The following NECAP2 variants were observed in gnomAD, a reference collection of about 807,000 sequenced individuals.
The protein encoded by NECAP2 is NECAP endocytosis associated 2, also known as adaptin ear-binding coat-associated protein 2.
NECAP2 carries 38 observed loss-of-function variants against 37.8 expected under a neutral mutation model. The ratio of observed to expected loss-of-function variants is 1.01; its 90% confidence interval spans 0.78 to 1.32. NECAP2 has a LOEUF of 1.32. Ranked by LOEUF, NECAP2 falls within the 40% of genes most tolerant of loss-of-function variation. The pLI is 0.00. For missense variants in NECAP2, 316 were observed against 334.5 expected (o/e 0.94, Z 0.43); for synonymous variants, 121 against 127.7 (o/e 0.95, Z 0.35).
At chr1:16,456,030 T>C in intron 7 of NECAP2, 137 bp downstream of exon 7, 2 of 652,464 alleles carry the variant, frequency 3.1e-6, no homozygotes, top group Non-Finnish European at 5.1e-6. Context: ...TTTTCTTTTT[T>C]TTTTTTTTTT....
intron 6 of NECAP2, chr1:16,455,527 TAGATG>T (rs899810051): frequency 2.8e-5 from 11 of 399,510 alleles, no homozygotes; most frequent in African/African-American, 1.8e-4. Context: ...GTATGCATGT[TAGATG>T]ACGTGAGACT....
At chr1:16,456,866 A>G (rs1480231102) in intron 7 of NECAP2, among the ~76,000 whole-genome samples, 1 of 151,846 alleles carries the variant, frequency 6.6e-6, no homozygotes, top group Non-Finnish European at 1.5e-5. Context: ...CATGCCAGCT[A>G]TTTTTTGTAT....
chr1:16,452,981 G>C (rs2086868353), intron 6 of NECAP2, among the ~76,000 whole-genome samples: 2 of 152,300 alleles, frequency 1.3e-5, no homozygotes, highest in East Asian at 1.9e-4. Context: ...AGTGGCAGGA[G>C]GGGCAGTCAG....
chr1:16,454,793 T>C (rs2086894477), intron 6 of NECAP2, among the ~76,000 whole-genome samples: 1 of 152,214 alleles, frequency 6.6e-6, no homozygotes, highest in Non-Finnish European at 1.5e-5. Context: ...CTTAGAACAA[T>C]TTTTGGAACA....
intron 7 of NECAP2, among the ~76,000 whole-genome samples, chr1:16,457,100 A>G (rs932290898): frequency 6.6e-6 from 1 of 152,236 alleles, no homozygotes; most frequent in African/African-American, 2.4e-5. Context: ...GCACAAAAGC[A>G]GCCACAGACA....
At chr1:16,450,306 T>A in intron 5 of NECAP2, 1 of 366,774 alleles carries the variant, frequency 2.7e-6, no homozygotes, top group South Asian at 2.0e-5. Flanking sequence ...TTTTTAGGCA[T>A]TTCTCATGTG....
intron 2 of NECAP2, among the ~76,000 whole-genome samples, chr1:16,446,316 C>A (rs2086761328): frequency 6.6e-6 from 1 of 152,214 alleles, no homozygotes; most frequent in Non-Finnish European, 1.5e-5. Flanking sequence ...CTTATAATCC[C>A]AGGGCTTTGG....
intron 6 of NECAP2, among the ~76,000 whole-genome samples, chr1:16,452,239 G>T (rs942974740): frequency 6.6e-6 from 1 of 152,218 alleles, no homozygotes; most frequent in African/African-American, 2.4e-5. Context: ...GGCCAGGGCT[G>T]CGACTTGTTA....
chr1:16,444,183 TTTC>T (rs750667833), intron 2 of NECAP2, among the ~76,000 whole-genome samples: 59 of 152,286 alleles, frequency 3.9e-4, no homozygotes, highest in Non-Finnish European at 7.9e-4. Flanking sequence ...TACTCAGCTC[TTTC>T]TGTAGTGAGA....
At chr1:16,445,315 G>A (rs1405647045) in intron 2 of NECAP2, among the ~76,000 whole-genome samples, 1 of 152,314 alleles carries the variant, frequency 6.6e-6, no homozygotes, top group African/African-American at 2.4e-5. Context: ...TTGACACCTG[G>A]GGCCAGATGA....
chr1:16,441,163 C>T, intron 1 of NECAP2: 1 of 396,844 alleles, frequency 2.5e-6, no homozygotes, highest in Non-Finnish European at 4.6e-6. Flanking sequence ...GCTTCTCTTT[C>T]AGCGCTAACC....
Position 16,440,822 on chromosome 1 carries a change from A to G in NECAP2, c.61A>G (p.Ile21Val), listed in dbSNP as rs780399010. The part of the protein sequence containing the change: ...CVKPDVHVYR[I>V]PPRATNRGYR... ...CAAGCCTGACGTCCACGTCTACCGC[A>G]TCCCTCCGCGGGCTACCAACCGTGG... The change falls in exon 1 of 8, where the codon ATC (isoleucine) becomes GTC (valine). Residue 21 changes from isoleucine (I) to valine (V), a missense_variant. Around this residue, in one of 3 missense-constraint regions of NECAP2, gnomAD observed 81 missense variants for 124.2 expected, o/e 0.65. Coordinates refer to ENST00000337132, the MANE Select transcript of NECAP2 (RefSeq NM_018090.5). The G allele has an allele frequency of 1.9e-6, 3 of 1,614,064 alleles. No individual in the cohort carries two copies. The African/African-American group carries it at 4.0e-5, about 22-fold the overall frequency.
At chr1:16,442,041 C>T (rs1227465506) in intron 1 of NECAP2, among the ~76,000 whole-genome samples, 2 of 148,804 alleles carry the variant, frequency 1.3e-5, no homozygotes, top group Non-Finnish European at 3.0e-5. Flanking sequence ...TGCAATGGTG[C>T]GATCTCGGCT....
intron 2 of NECAP2, among the ~76,000 whole-genome samples, chr1:16,444,174 A>T (rs1374845429): frequency 1.4e-4 from 21 of 151,980 alleles, no homozygotes; most frequent in Non-Finnish European, 2.9e-5. Context: ...AAACTGTCCT[A>T]CTCAGCTCTT....
chr1:16,448,757 T>C (rs960611049), intron 4 of NECAP2, among the ~76,000 whole-genome samples: 1 of 152,204 alleles, frequency 6.6e-6, no homozygotes, highest in African/African-American at 2.4e-5. Context: ...AGTTCTCATG[T>C]CATATACTGT....
At chr1:16,456,749 T>C (rs903387842) in intron 7 of NECAP2, among the ~76,000 whole-genome samples, 1 of 152,242 alleles carries the variant, frequency 6.6e-6, no homozygotes, top group African/African-American at 2.4e-5. Context: ...CTTTTCATGT[T>C]TTGAGACAGG....
chr1:16,449,269 C>T, intron 5 of NECAP2, 68 bp downstream of exon 5: 2 of 1,060,768 alleles, frequency 1.9e-6, no homozygotes, highest in East Asian at 2.6e-5. Flanking sequence ...GAGCCCATTG[C>T]TCTTCTTACA....
intron 2 of NECAP2, among the ~76,000 whole-genome samples, chr1:16,443,987 A>G (rs539165580): frequency 1.3e-5 from 2 of 152,298 alleles, no homozygotes; most frequent in South Asian, 4.1e-4. Context: ...GGGGCCAAGG[A>G]GAGGAGACCG....
intron 6 of NECAP2, among the ~76,000 whole-genome samples, chr1:16,454,478 C>T (rs2086890495): frequency 2.0e-5 from 3 of 152,194 alleles, no homozygotes; most frequent in African/African-American, 7.2e-5. Flanking sequence ...GCCTCAGCCT[C>T]CCAAGTAGCT....
Sources: allele counts gnomAD v4.1 joint callset (sites outside exome capture counted in the v4.1 genomes callset), GRCh38; gene constraint gnomAD v4.1.1; regional missense constraint gnomAD v4.1.1; transcripts MANE v1.5; gene names NCBI Gene and HGNC (gene_info 2026-07-23, HGNC 2026-07-21).